The following TSFM variants were observed in gnomAD, a reference collection of about 807,000 sequenced individuals.
TSFM encodes the protein elongation factor Ts, mitochondrial.
TSFM carries 29 observed loss-of-function variants against 33.4 expected under a neutral mutation model. That is an observed-to-expected ratio of 0.87 (90% CI 0.65 to 1.18). The LOEUF (loss-of-function observed/expected upper bound fraction) is 1.18. Among genes scored for constraint, TSFM ranks in the 50% most tolerant of loss-of-function variants. The probability of loss-of-function intolerance (pLI) is 0.00; values close to 1 mark genes in which losing one functional copy is unlikely to be tolerated. For missense variants in TSFM, 394 were observed against 395.6 expected (o/e 1.00, Z 0.04); for synonymous variants, 178 against 163.5 (o/e 1.09, Z -0.68).
chr12:57,786,426 T>C, intron 3 of TSFM, 135 bp downstream of exon 3: 1 of 1,135,550 alleles, frequency 8.8e-7, no homozygotes, highest in Non-Finnish European at 1.2e-6. Context: ...GTTAAACTCA[T>C]GAAACCCTGG....
At chr12:57,793,233 CT>C (rs947862578) in intron 5 of TSFM, among the ~76,000 whole-genome samples, 160 bp downstream of exon 5, 4 of 149,460 alleles carry the variant, frequency 2.7e-5, no homozygotes, top group Middle Eastern at 3.4e-3. Context: ...CATTAGGCAT[CT>C]TTTTTTTTTC....
At chr12:57,802,728 A>G, downstream of TSFM, 1 of 602,906 alleles carries the variant, frequency 1.7e-6, no homozygotes, top group East Asian at 2.8e-5. Flanking sequence ...GTATCTATCT[A>G]GTCACCTAAG....
downstream of TSFM, chr12:57,800,014 T>TA: frequency 1.3e-6 from 2 of 1,484,182 alleles, no homozygotes; most frequent in East Asian, 2.3e-5. Flanking sequence ...CATTTTGACT[T>TA]ATGCCACTTC....
intron 2 of TSFM, chr12:57,783,548 A>C: frequency 6.2e-6 from 4 of 640,326 alleles, no homozygotes; most frequent in Non-Finnish European, 1.2e-5. Flanking sequence ...TTGGAGTCAG[A>C]TTGTTCAGGA....
downstream of TSFM, chr12:57,800,416 G>GACCACCGA: frequency 6.5e-6 from 1 of 153,504 alleles, no homozygotes; most frequent in Non-Finnish European, 1.5e-5. Context: ...AAGAACTGCT[G>GACCACCGA]GATTCCTGGC....
intron 2 of TSFM, chr12:57,783,592 TA>T: frequency 1.7e-6 from 1 of 603,670 alleles, no homozygotes; most frequent in Non-Finnish European, 3.1e-6. Context: ...TGTCTGACTT[TA>T]GACTTTTTTT....
chr12:57,784,666 G>A (rs894652928), intron 2 of TSFM, among the ~76,000 whole-genome samples: 13 of 151,706 alleles, frequency 8.6e-5, no homozygotes, highest in African/African-American at 2.7e-4. Context: ...ATCACCTGAG[G>A]TTGCGAGTTC....
rs769013394 is a variant in TSFM at position 57,797,158 on chromosome 12, C to T, written c.*575C>T. On this transcript the variant is annotated 3_prime_UTR_variant, in exon 6 of 6. Coordinates refer to ENST00000652027, the MANE Select transcript of TSFM (RefSeq NM_005726.6). ...ATTAATAACACATGCCCCTATTTCT[C>T]TTTTGGATGATGTGTGGGTGGGTGG... 6.1e-6 allele frequency: 6 copies of T among 985,402 alleles called. No homozygotes were observed. Among genetic ancestry groups the T allele is most frequent in the Non-Finnish European group, 7.2e-6 (6 of 829,946 alleles). 61.0% of individuals were successfully genotyped at this position (985,402 alleles called of 1,614,324 possible).
chr12:57,782,799 G>C lies in TSFM; in HGVS notation c.-3G>C. 6.3e-7 allele frequency: 1 copy of C among 1,589,568 alleles called. No homozygotes were observed. The highest frequency in any genetic ancestry group is 8.6e-7 in the Non-Finnish European group (1 of 1,168,744). On this transcript the variant is annotated 5_prime_UTR_variant, in exon 1 of 6. Transcript: ENST00000652027. ...CCGGAGGGTGTTTATCGCGGCTAGA[G>C]AGATGTCGCTGCTGCGGTCGCTGCG...
Position 57,786,187 on chromosome 12 carries a change from G to T in TSFM, c.256G>T (p.Ala86Ser). The change falls in exon 3 of 6, where the codon GCC becomes TCC. Residue 86 changes from alanine to serine, a missense_variant. Ala to Ser is a moderately conservative substitution (Grantham distance 99). Coordinates refer to ENST00000652027, the MANE Select transcript of TSFM (RefSeq NM_005726.6). ...KQAEIWLHKE[A>S]QKEGWSKAAK... ...GGCAGAGATCTGGCTCCACAAGGAG[G>T]CCCAGAAGGAGGGCTGGAGCAAAGC... The T allele has an allele frequency of 6.2e-7, 1 of 1,608,060 alleles. No individual in the cohort carries two copies.
intron 5 of TSFM, among the ~76,000 whole-genome samples, chr12:57,795,907 C>T (rs895350921): frequency 2.0e-5 from 3 of 152,196 alleles, no homozygotes; most frequent in South Asian, 2.1e-4. Context: ...TGAGCCACTA[C>T]ACCCGGCCTG....
chr12:57,783,626 C>T (rs1343663636), intron 2 of TSFM: 6 of 561,358 alleles, frequency 1.1e-5, no homozygotes, highest in South Asian at 9.2e-5. Flanking sequence ...CGGAGTCTTG[C>T]TCTGTGGCCC....
chr12:57,792,433 T>C (rs1377282291), intron 4 of TSFM, among the ~76,000 whole-genome samples: 1 of 151,944 alleles, frequency 6.6e-6, no homozygotes, highest in African/African-American at 2.4e-5. Flanking sequence ...GGAAATTACA[T>C]TCTAGGAAGT....
chr12:57,790,853 T>G (rs1595142085), intron 4 of TSFM, among the ~76,000 whole-genome samples: 1 of 149,132 alleles, frequency 6.7e-6, no homozygotes, highest in South Asian at 2.1e-4. Context: ...CACTTCGGGG[T>G]TTTTTGTTTG....
rs761072339 is a variant in TSFM, at chr12:57,787,125, G to T, written c.446G>T (p.Cys149Phe). The change falls in exon 4 of 6, where the codon TGT becomes TTT. Residue 149 changes from cysteine to phenylalanine, a missense_variant. This residue lies in a region of TSFM where 208 missense variants were observed against 180.4 expected (regional missense o/e 1.15). Coordinates refer to ENST00000652027, the MANE Select transcript of TSFM (RefSeq NM_005726.6). The part of the protein sequence containing the change: ...QQVALGTMMH[C>F]QTLKDQPSAY... ...GTAGCCCTTGGAACCATGATGCATTGTCAGACCCTAAAGGATCAACCCTCT... is the reference window on the plus strand; with the variant it reads ...GTAGCCCTTGGAACCATGATGCATTTTCAGACCCTAAAGGATCAACCCTCT... 1 of 1,602,074 alleles carries T rather than the reference G, an allele frequency of 6.2e-7. No homozygotes were observed. The highest frequency in any genetic ancestry group is 8.5e-7 in the Non-Finnish European group (1 of 1,173,446).
chr12:57,799,853 A>C (rs1955811052), downstream of TSFM: 3 of 1,614,008 alleles, frequency 1.9e-6, no homozygotes, highest in Non-Finnish European at 2.5e-6. Context: ...TTTCAACAGA[A>C]CTGCTATAGG....
At chr12:57,800,138 G>A, downstream of TSFM, 1 of 560,368 alleles carries the variant, frequency 1.8e-6, no homozygotes, top group Non-Finnish European at 3.1e-6. Context: ...AGCTGATTCA[G>A]TAAGTCCAAG....
Position 57,783,091 on chromosome 12 carries a change from C to T in TSFM, c.58-19C>T, listed in dbSNP as rs761634911. ...AGTTTGCTGCTTCCTGCTCCTCATC[C>T]CTTTCTTATCTCATCTAGGCTGGGT... On this transcript the variant is annotated intron_variant, in intron 1 of 5. Transcript: ENST00000652027. 11 of 1,598,184 alleles carry T rather than the reference C, an allele frequency of 6.9e-6. No homozygotes were observed. The highest frequency in any genetic ancestry group is 9.4e-6 in the Non-Finnish European group (11 of 1,174,020).
At chr12:57,788,460 A>G (rs907652073) in intron 4 of TSFM, among the ~76,000 whole-genome samples, 1 of 151,958 alleles carries the variant, frequency 6.6e-6, no homozygotes, top group Non-Finnish European at 1.5e-5. Flanking sequence ...TATTTTTTGT[A>G]AAGACAGAGT....
Sources: gnomAD v4.1 joint callset for allele counts (sites outside exome capture counted in the v4.1 genomes callset) on GRCh38, gnomAD v4.1.1 for gene constraint, gnomAD v4.1.1 regional missense constraint, MANE v1.5 for transcripts, NCBI Gene and HGNC (gene_info 2026-07-23, HGNC 2026-07-21) for gene names.